The following TYK2 variants were observed in gnomAD, a reference collection of about 807,000 sequenced individuals.
TYK2 encodes non-receptor tyrosine-protein kinase TYK2.
A neutral mutation model predicts 130.9 loss-of-function variants in TYK2; 65 were observed. The ratio of observed to expected loss-of-function variants is 0.50; its 90% CI spans 0.41 to 0.61. TYK2 has a LOEUF of 0.61. Ranked by LOEUF, TYK2 falls within the 20% of genes least tolerant of loss-of-function variation. TYK2 has a pLI of 0.00. For missense variants in TYK2, 1,378 were observed against 1,610.7 expected (o/e 0.86, Z 2.47); for synonymous variants, 647 against 658.9 (o/e 0.98, Z 0.28).
chr19:10,361,421 G>T lies in TYK2; in HGVS notation c.2047+90C>A. The T allele has an allele frequency of 7.9e-7, 1 of 1,265,768 alleles. No homozygotes were observed. The highest frequency in any genetic ancestry group is 1.1e-6 in the Non-Finnish European group (1 of 898,776). The allele number at this position is 1,265,768 out of a possible 1,614,324, so 78.4% of individuals were successfully genotyped here. On this transcript the variant is annotated intron_variant, in intron 14 of 24. Transcript: ENST00000525621. This position sits in a 1 kb window ranked among gnomAD's most constrained non-coding sequence, Gnocchi z 4.0. ...TTGAGAAATAGGCATAGGTTGGGGT[G>T]TAGGTCGAGGGTTGGGGTACAGATC...
rs776925265 is a variant in TYK2 at position 10,356,582 on chromosome 19, C to G, written c.2603G>C (p.Arg868Pro). The change falls in exon 18 of 25, where the codon CGG becomes CCG. Residue 868 changes from arginine (R) to proline (P), a missense_variant. By Grantham distance (103) the Arg-to-Pro change is moderately radical. Transcript: ENST00000525621. ...SFRTILRDLTRLQPHNLADVL... is the reference protein window; with the variant it reads ...SFRTILRDLTPLQPHNLADVL... ...ATGGAGCTCACTGTGGGGCTGCAGC[C>G]GGGTGAGGTCACGCAGGATGGTGCG... The G allele has an allele frequency of 1.9e-6, 3 of 1,613,322 alleles. No individual in the cohort carries two copies. In the South Asian group the frequency reaches 3.3e-5, roughly 18 times the overall value.
At chr19:10,354,718 G>GT in intron 18 of TYK2, 109 bp from the exon 19 acceptor site, 1 of 899,522 alleles carries the variant, frequency 1.1e-6, no homozygotes, top group Non-Finnish European at 1.8e-6. Flanking sequence ...GATTCTAGAG[G>GT]TAAGAAAACT....
At position 10,365,667 on chromosome 19, in the gene TYK2, C is replaced by G. The variant is rs760138236; in HGVS notation, c.861G>C (p.Glu287Asp). 1 of 1,613,366 alleles carries G rather than the reference C, an allele frequency of 6.2e-7. No homozygotes were observed. The highest frequency in any genetic ancestry group is 8.5e-7 in the Non-Finnish European group (1 of 1,179,854). Residue 287 changes from glutamate (E) to aspartate (D), a missense_variant, in exon 7 of 25, where the codon GAG (glutamate) becomes GAC (aspartate). By Grantham distance (45) the Glu-to-Asp change is conservative. Transcript: ENST00000525621. ...TGTCCCGGATGTAGCAGGGCTCCCC[C>G]TCGGCCTGGGCCAGCAGCCTCAGGT... ...VCHLRLLAQA[E>D]GEPCYIRDSG...
Position 10,354,195 on chromosome 19 carries a change from T to C in TYK2, c.2755A>G (p.Thr919Ala), listed in dbSNP as rs781770609. 6.2e-7 allele frequency: 1 copy of C among 1,613,652 alleles called. No homozygotes were observed. Among genetic ancestry groups the C allele is most frequent in the Admixed American group, 1.7e-5 (1 of 60,002 alleles). Residue 919 changes from threonine to alanine, a missense_variant, in exon 20 of 25, where the codon ACC becomes GCC. Physicochemically the swap from Thr to Ala is moderately conservative, Grantham distance 58 (BLOSUM62 0). Coordinates refer to ENST00000525621, the MANE Select transcript of TYK2 (RefSeq NM_003331.5). ...GKVSLYCYDP[T>A]NDGTGEMVAV... ...ACCATCTCGCCAGTGCCGTCGTTGG[T>C]CGGATCGTAGCAGTACAAGCTGACC...
chr19:10,360,544 T>TG (rs552195048), intron 14 of TYK2, among the ~76,000 whole-genome samples: 57 of 150,284 alleles, frequency 3.8e-4, no homozygotes, highest in African/African-American at 1.3e-3. Context: ...CAACTAGGGA[T>TG]GGGGGGGATG....
Position 10,357,925 on chromosome 19 carries a change from G to A in TYK2, c.2312-7C>T, listed in dbSNP as rs202016444. ...GGGATCCTCTCCACCCGCTCTGGGAGGCCAAGGTCAGAGGTCACCAAGGGT... is the reference window on the plus strand; with the variant it reads ...GGGATCCTCTCCACCCGCTCTGGGAAGCCAAGGTCAGAGGTCACCAAGGGT... On this transcript the variant is annotated splice_region_variant and splice_polypyrimidine_tract_variant and intron_variant, in intron 16 of 24. Coordinates refer to ENST00000525621, the MANE Select transcript of TYK2 (RefSeq NM_003331.5). 1 of 1,613,580 alleles carries A rather than the reference G, an allele frequency of 6.2e-7. No individual in the cohort carries two copies. The highest frequency in any genetic ancestry group is 1.7e-5 in the Admixed American group (1 of 60,014).
intron 17 of TYK2, 102 bp from the exon 18 acceptor site, chr19:10,356,820 G>T: frequency 1.6e-6 from 2 of 1,231,974 alleles, no homozygotes; most frequent in Non-Finnish European, 2.3e-6. Flanking sequence ...CCAGGTGCCC[G>T]CTCTTATCAG....
chr19:10,353,871 G>C lies in TYK2; in HGVS notation c.2908+171C>G. Reference sequence around the variant, plus strand: ...TGGCCCCAGCAGGTAGCACCCCCCAGATGGGAAGGAGGCAGCCCAGCCACG... The same window carrying C: ...TGGCCCCAGCAGGTAGCACCCCCCACATGGGAAGGAGGCAGCCCAGCCACG... On this transcript the variant is annotated intron_variant, in intron 20 of 24. Coordinates refer to ENST00000525621, the MANE Select transcript of TYK2 (RefSeq NM_003331.5). The surrounding 1 kb of genome is among the most constrained non-coding windows in gnomAD (Gnocchi z 6.9). The C allele has an allele frequency of 1.3e-6, 1 of 781,202 alleles. No individual in the cohort carries two copies. Among genetic ancestry groups the C allele is most frequent in the Admixed American group, 2.3e-5 (1 of 44,300 alleles). The allele number at this position is 781,202 out of a possible 1,614,324, so 48.4% of individuals were successfully genotyped here.
chr19:10,356,346 TC>T (rs1394935875), intron 18 of TYK2, among the ~76,000 whole-genome samples: 1 of 152,160 alleles, frequency 6.6e-6, no homozygotes, highest in East Asian at 1.9e-4. Context: ...GTCACTGCGC[TC>T]CAGGCTGGGT....
chr19:10,377,584 A>T (rs912019843), intron 3 of TYK2, among the ~76,000 whole-genome samples: 1 of 70,244 alleles, frequency 1.4e-5, no homozygotes. Flanking sequence ...GGGTGGATGG[A>T]TGGATGGATG....
chr19:10,363,399 T>G (rs1254069086), intron 9 of TYK2, among the ~76,000 whole-genome samples: 1 of 151,946 alleles, frequency 6.6e-6, no homozygotes, highest in East Asian at 1.9e-4. Flanking sequence ...AGGCTGCTCT[T>G]GAACTCCTGG....
Position 10,356,677 on chromosome 19 carries a change from G to A in TYK2, c.2508C>T (p.Pro836=). Residue 836 remains proline (P), a synonymous_variant, in exon 18 of 25, where the codon CCC becomes CCT. Coordinates refer to ENST00000525621, the MANE Select transcript of TYK2 (RefSeq NM_003331.5). ...TGAGTGTGGCCAGCTGTGGGCAGGA[G>A]GGCTCGGGCAGCCGGTGCTGCCTCT... The part of the protein sequence containing the change: ...FYQRQHRLPE[P]SCPQLATLTS... 6.8e-6 allele frequency: 11 copies of A among 1,612,030 alleles called. No homozygotes were observed. Among genetic ancestry groups the A allele is most frequent in the South Asian group, 1.1e-5 (1 of 90,842 alleles).
chr19:10,358,203 G>A, intron 15 of TYK2, 65 bp from the exon 16 acceptor site: 1 of 1,516,794 alleles, frequency 6.6e-7, no homozygotes, highest in Non-Finnish European at 8.9e-7. Context: ...CCCAAACCTG[G>A]TCCCCATAGG....
chr19:10,354,626 G>A lies in TYK2; in HGVS notation c.2618-17C>T. On this transcript the variant is annotated splice_polypyrimidine_tract_variant and intron_variant, in intron 18 of 24. Coordinates refer to ENST00000525621, the MANE Select transcript of TYK2 (RefSeq NM_003331.5). ...CAGCAAGATCTGGAAGAGTTGCGGTGGGTAAAGGCCTGACCCCGATCCTTT... is the reference window on the plus strand; with the variant it reads ...CAGCAAGATCTGGAAGAGTTGCGGTAGGTAAAGGCCTGACCCCGATCCTTT... 6.2e-7 allele frequency: 1 copy of A among 1,607,198 alleles called. No individual in the cohort carries two copies. Among genetic ancestry groups the A allele is most frequent in the Non-Finnish European group, 8.5e-7 (1 of 1,173,886 alleles).
Position 10,353,521 on chromosome 19 carries a change from G to A in TYK2, c.3027+7C>T. ...AAGCTCCAGAAGCAGGGGCGGGGCCGACCAACCTCGCAGATCTGCTGGGCG... is the reference window on the plus strand; with the variant it reads ...AAGCTCCAGAAGCAGGGGCGGGGCCAACCAACCTCGCAGATCTGCTGGGCG... On this transcript the variant is annotated splice_region_variant and intron_variant, in intron 21 of 24. Transcript: ENST00000525621. This position sits in a 1 kb window ranked among gnomAD's most constrained non-coding sequence, Gnocchi z 6.9. 2 of 1,496,352 alleles carry A rather than the reference G, an allele frequency of 1.3e-6. No homozygotes were observed. The highest frequency in any genetic ancestry group is 1.8e-6 in the Non-Finnish European group (2 of 1,118,822). The allele number at this position is 1,496,352 out of a possible 1,614,324, so 92.7% of individuals were successfully genotyped here. A position where few individuals can be genotyped will look rare whatever the true frequency, so the allele number is the denominator to read the frequency against.
rs777784293 is a variant in TYK2, at chr19:10,359,409, G to A, written c.2048-107C>T. 2.8e-4 allele frequency: 383 copies of A among 1,383,392 alleles called. 1 individual carries two copies. The highest frequency in any genetic ancestry group is 3.7e-4 in the Non-Finnish European group (370 of 1,002,212). 85.7% of individuals were successfully genotyped at this position (1,383,392 alleles called of 1,614,324 possible). On this transcript the variant is annotated intron_variant, in intron 14 of 24. Coordinates refer to ENST00000525621, the MANE Select transcript of TYK2 (RefSeq NM_003331.5). ...GGACTTGGCATGTGGCTGGGGAGGT[G>A]TCAGGGCAGAGGTGTGGGTGGAGTT...
At chr19:10,372,191 C>A (rs547532551) in intron 3 of TYK2, among the ~76,000 whole-genome samples, 1 of 151,020 alleles carries the variant, frequency 6.6e-6, no homozygotes, top group Admixed American at 6.6e-5. Flanking sequence ...GACGGGGTTT[C>A]ACCGTGTTAG....
In TYK2 at chr19:10,364,990, T is replaced by G. The variant is rs1199943420; in HGVS notation, c.1070A>C (p.Lys357Thr). 2 of 1,613,288 alleles carry G rather than the reference T, an allele frequency of 1.2e-6. No homozygotes were observed. Among genetic ancestry groups the G allele is most frequent in the East Asian group, 4.5e-5 (2 of 44,884 alleles). The change falls in exon 8 of 25, where the codon AAG (lysine) becomes ACG (threonine). Residue 357 changes from lysine to threonine, a missense_variant. Coordinates refer to ENST00000525621, the MANE Select transcript of TYK2 (RefSeq NM_003331.5). This position sits in a 1 kb window ranked among gnomAD's most constrained non-coding sequence, Gnocchi z 4.9. ...PQASLFGKKA[K>T]AHKAVGQPAD... ...CGGCTGGCCGACTGCCTTGTGAGCC[T>G]TGGCCTTCTTCCCAAACAGGCTGGC...
At chr19:10,365,315 G>A (rs1293582915) in intron 7 of TYK2, among the ~76,000 whole-genome samples, 1 of 152,158 alleles carries the variant, frequency 6.6e-6, no homozygotes, top group East Asian at 1.9e-4. Context: ...CCCTGGAGGT[G>A]CAGACCCCAG....
Sources: gnomAD v4.1 joint callset for allele counts (sites outside exome capture counted in the v4.1 genomes callset) on GRCh38, gnomAD v4.1.1 for gene constraint, Gnocchi (gnomAD v3.1) non-coding constraint, MANE v1.5 for transcripts, NCBI Gene and HGNC (gene_info 2026-07-23, HGNC 2026-07-21) for gene names.